Variants in HHAT observed in about 807,000 individuals in gnomAD.
The protein encoded by HHAT is protein-cysteine N-palmitoyltransferase HHAT.
Under a neutral mutation model 70.8 loss-of-function variants are expected in HHAT, and 47 were observed. The ratio of observed to expected loss-of-function variants is 0.66; its 90% CI spans 0.53 to 0.85. The LOEUF (loss-of-function observed/expected upper bound fraction) is 0.85, where lower values mean the gene tolerates loss of function less well. Ranked by LOEUF, HHAT falls within the 40% of genes least tolerant of loss-of-function variation. The pLI is 0.00. For synonymous variants in HHAT, 228 were observed against 247.6 expected (o/e 0.92, Z 0.74); for missense variants, 609 against 604.8 (o/e 1.01, Z -0.07).
chr1:210,403,965 AGCT>A (rs2092209406), intron 5 of HHAT, among the ~76,000 whole-genome samples: 1 of 150,130 alleles, frequency 6.7e-6, no homozygotes, highest in Admixed American at 6.6e-5. Context: ...TTGTCTGTAA[AGCT>A]TATTAGACAA....
intron 9 of HHAT, among the ~76,000 whole-genome samples, chr1:210,560,544 G>A (rs2095611708): frequency 2.0e-5 from 3 of 151,824 alleles, no homozygotes; most frequent in Admixed American, 2.0e-4. Flanking sequence ...GGCTGGCCAA[G>A]GTGGCTCATA....
At chr1:210,565,276 A>G (rs940230432) in intron 9 of HHAT, among the ~76,000 whole-genome samples, 1 of 152,188 alleles carries the variant, frequency 6.6e-6, no homozygotes, top group Non-Finnish European at 1.5e-5. Flanking sequence ...CTCAGAAAAA[A>G]GTGGTAGATG....
At chr1:210,581,122 T>G (rs898553584) in intron 9 of HHAT, among the ~76,000 whole-genome samples, 1 of 152,266 alleles carries the variant, frequency 6.6e-6, no homozygotes, top group Admixed American at 6.5e-5. Flanking sequence ...CATAAATGTC[T>G]TCTTTTGAGA....
intron 9 of HHAT, among the ~76,000 whole-genome samples, chr1:210,565,247 A>T (rs533056704): frequency 2.0e-3 from 307 of 152,326 alleles, no homozygotes; most frequent in Non-Finnish European, 3.2e-3. Context: ...GAGGGTGCTC[A>T]TATGATGGTC....
intron 9 of HHAT, among the ~76,000 whole-genome samples, chr1:210,540,465 A>ACGCG (rs2095417049): frequency 1.5e-5 from 2 of 135,074 alleles, no homozygotes; most frequent in Non-Finnish European, 1.7e-5. Context: ...ACACACACAC[A>ACGCG]CACACGCACA....
At chr1:210,584,649 A>G (rs937679285) in intron 9 of HHAT, among the ~76,000 whole-genome samples, 1 of 152,102 alleles carries the variant, frequency 6.6e-6, no homozygotes, top group Non-Finnish European at 1.5e-5. Context: ...TCAGTGCCCA[A>G]CCTTCTCTTT....
intron 11 of HHAT, among the ~76,000 whole-genome samples, chr1:210,659,388 T>G (rs1239415450): frequency 6.6e-6 from 1 of 152,128 alleles, no homozygotes; most frequent in Non-Finnish European, 1.5e-5. Context: ...CAGGAAGAAG[T>G]TGAATCTCTG....
At chr1:210,654,820 C>T (rs893454965) in intron 11 of HHAT, among the ~76,000 whole-genome samples, 4 of 152,194 alleles carry the variant, frequency 2.6e-5, no homozygotes, top group African/African-American at 9.7e-5. Context: ...AGTACTCCTC[C>T]CAAGGGTGAT....
At chr1:210,533,743 G>C (rs181412839) in intron 9 of HHAT, among the ~76,000 whole-genome samples, 2 of 152,288 alleles carry the variant, frequency 1.3e-5, no homozygotes, top group African/African-American at 4.8e-5. Context: ...TCCTGCCAAG[G>C]AAGCTACTGG....
At chr1:210,541,519 GA>G in intron 9 of HHAT, among the ~76,000 whole-genome samples, 1 of 152,284 alleles carries the variant, frequency 6.6e-6, no homozygotes, top group Non-Finnish European at 1.5e-5. Flanking sequence ...TTGAGGTCAG[GA>G]GTTTGAGACT....
chr1:210,348,962 CG>C lies in HHAT; in HGVS notation c.-13del, dbSNP rs749221537. ...TCTCAGCGTAGGCATCGGGAACCTT[CG>C]TGCCAAGGAGCCATGCTGCCCCGAT... On this transcript the variant is annotated 5_prime_UTR_variant, in exon 2 of 12. Transcript: ENST00000261458. 2 of 1,612,944 alleles carry C rather than the reference CG, an allele frequency of 1.2e-6. No individual in the cohort carries two copies. The highest frequency in any genetic ancestry group is 1.7e-6 in the Non-Finnish European group (2 of 1,179,720).
At chr1:210,591,027 G>T (rs969347013) in intron 10 of HHAT, among the ~76,000 whole-genome samples, 2 of 151,994 alleles carry the variant, frequency 1.3e-5, no homozygotes, top group African/African-American at 4.8e-5. Flanking sequence ...GGGTAAATGG[G>T]GTATCCATCA....
intron 11 of HHAT, among the ~76,000 whole-genome samples, chr1:210,634,084 T>C (rs1026984439): frequency 6.6e-6 from 1 of 152,242 alleles, no homozygotes; most frequent in African/African-American, 2.4e-5. Context: ...TTAACCTTTG[T>C]TTTAAAAAAG....
chr1:210,609,673 C>A (rs1032464690), intron 10 of HHAT, among the ~76,000 whole-genome samples: 2 of 152,080 alleles, frequency 1.3e-5, no homozygotes, highest in African/African-American at 2.4e-5. Context: ...CTCCCTAGCC[C>A]CTCAACAGGC....
intron 2 of HHAT, among the ~76,000 whole-genome samples, chr1:210,357,456 A>T (rs1242209983): frequency 6.6e-6 from 1 of 152,232 alleles, no homozygotes; most frequent in Non-Finnish European, 1.5e-5. Flanking sequence ...GTTTATTACC[A>T]TTAGAACATA....
chr1:210,344,823 A>C (rs1198940636), intron 1 of HHAT, among the ~76,000 whole-genome samples: 1 of 152,060 alleles, frequency 6.6e-6, no homozygotes, highest in Non-Finnish European at 1.5e-5. Flanking sequence ...GGTACAGTTA[A>C]TTTACAACCC....
chr1:210,351,823 G>A (rs1387035625), intron 2 of HHAT, among the ~76,000 whole-genome samples: 1 of 152,158 alleles, frequency 6.6e-6, no homozygotes, highest in Admixed American at 6.5e-5. Flanking sequence ...GTGCAGCCTG[G>A]GAAGTTATAC....
intron 11 of HHAT, among the ~76,000 whole-genome samples, chr1:210,644,143 G>T (rs1673539783): frequency 6.6e-6 from 1 of 152,176 alleles, no homozygotes; most frequent in South Asian, 2.1e-4. Flanking sequence ...AGACACTGAG[G>T]TCTAGAGAGG....
chr1:210,621,825 C>T (rs757052132), intron 10 of HHAT, among the ~76,000 whole-genome samples: 2 of 152,164 alleles, frequency 1.3e-5, no homozygotes, highest in Admixed American at 6.5e-5. Context: ...CAACCATGAT[C>T]GGGCAGACAT....
Sources: allele counts gnomAD v4.1 joint callset (sites outside exome capture counted in the v4.1 genomes callset), GRCh38; gene constraint gnomAD v4.1.1; transcripts MANE v1.5; gene names NCBI Gene and HGNC (gene_info 2026-07-23, HGNC 2026-07-21).